FBXW8: variants seen among roughly 807,000 people sequenced by gnomAD.
FBXW8 encodes F-box/WD repeat-containing protein 8.
A neutral mutation model predicts 65.3 loss-of-function variants in FBXW8; 57 were observed. The observed-to-expected ratio is 0.87, with a 90% CI of 0.71 to 1.09. The LOEUF (loss-of-function observed/expected upper bound fraction) is 1.09. FBXW8 is among the 50% of genes least tolerant of loss of function. The pLI is 0.00. For synonymous variants in FBXW8, 308 were observed against 330.2 expected (o/e 0.93, Z 0.73); for missense variants, 777 against 814.8 (o/e 0.95, Z 0.57).
intron 2 of FBXW8, among the ~76,000 whole-genome samples, chr12:116,934,542 G>A (rs1046946283): frequency 6.6e-6 from 1 of 152,174 alleles, no homozygotes; most frequent in Admixed American, 6.5e-5. Flanking sequence ...GTTTTTAGGA[G>A]AAAAGTAAGT....
At chr12:116,959,366 G>T (rs1883845605) in intron 4 of FBXW8, among the ~76,000 whole-genome samples, 1 of 152,212 alleles carries the variant, frequency 6.6e-6, no homozygotes, top group African/African-American at 2.4e-5. Context: ...TGAGGAGGCA[G>T]AGTGGCTTGT....
intron 4 of FBXW8, among the ~76,000 whole-genome samples, chr12:116,955,845 C>T (rs771128162): frequency 6.6e-6 from 1 of 152,118 alleles, no homozygotes. Flanking sequence ...GGCTAGGTGT[C>T]GTTTGCCATA....
chr12:116,936,155 G>A lies in FBXW8; in HGVS notation c.423+8028G>A, dbSNP rs1882142725. Among the ~76,000 whole-genome samples the A allele has an allele frequency of 6.6e-6, 1 of 152,240 alleles. No individual in the cohort carries two copies. Among genetic ancestry groups the A allele is most frequent in the Admixed American group, 6.5e-5 (1 of 15,284 alleles). On this transcript the variant is annotated intron_variant, in intron 2 of 10. Transcript: ENST00000652555. This position sits in a 1 kb window ranked among gnomAD's most constrained non-coding sequence, Gnocchi z 4.6. Reference sequence around the variant, plus strand: ...GAGTGGCCAGGGAAGACTTTGCAGAGAAGGTGAGCTTTGAGCAAAGACCTG... The same window carrying A: ...GAGTGGCCAGGGAAGACTTTGCAGAAAAGGTGAGCTTTGAGCAAAGACCTG...
chr12:117,025,761 A>C (rs1024058329), intron 9 of FBXW8, among the ~76,000 whole-genome samples: 3 of 152,160 alleles, frequency 2.0e-5, no homozygotes, highest in African/African-American at 7.2e-5. Flanking sequence ...CCGCACTGAA[A>C]TTCCCGGAAG....
chr12:116,926,131 G>C (rs1339421167), intron 1 of FBXW8, among the ~76,000 whole-genome samples: 2 of 152,156 alleles, frequency 1.3e-5, no homozygotes, highest in Admixed American at 1.3e-4. Context: ...CAAAGATGAT[G>C]ATGTCCTTTG....
At chr12:117,000,050 C>G (rs1293588266) in intron 7 of FBXW8, among the ~76,000 whole-genome samples, 1 of 146,686 alleles carries the variant, frequency 6.8e-6, no homozygotes, top group African/African-American at 2.5e-5. Flanking sequence ...GGCGCGATCT[C>G]TGCTCACTGC....
At chr12:117,021,054 GAGA>G (rs1954081714) in intron 8 of FBXW8, among the ~76,000 whole-genome samples, 1 of 151,906 alleles carries the variant, frequency 6.6e-6, no homozygotes, top group South Asian at 2.1e-4. Context: ...TCACTCCCCA[GAGA>G]AGGATTTCTG....
chr12:116,927,725 G>A (rs530388458), intron 1 of FBXW8, among the ~76,000 whole-genome samples: 2 of 152,292 alleles, frequency 1.3e-5, no homozygotes, highest in Admixed American at 1.3e-4. Flanking sequence ...CGTATACCAG[G>A]CTGGAAGATA....
Position 116,964,753 on chromosome 12 carries a change from C to T in FBXW8, c.734C>T (p.Pro245Leu), listed in dbSNP as rs748317810. ...ACCCGCACCTGGGACTACGTAGCCC[C>T]CTTCCTGGAATCAGAGGACGAGGAG... is the stretch of plus-strand genomic sequence containing the variant. ...WDTRTWDYVA[P>L]FLESEDEEDE... Residue 245 changes from proline to leucine, a missense_variant, in exon 5 of 11, where the codon CCC (proline) becomes CTC (leucine). Coordinates refer to ENST00000652555, the MANE Select transcript of FBXW8 (RefSeq NM_153348.3). 2 of 1,613,554 alleles carry T rather than the reference C, an allele frequency of 1.2e-6. No individual in the cohort carries two copies. The highest frequency in any genetic ancestry group is 1.1e-5 in the South Asian group (1 of 91,046).
chr12:117,001,049 C>G (rs920502777), intron 7 of FBXW8, among the ~76,000 whole-genome samples: 1 of 152,146 alleles, frequency 6.6e-6, no homozygotes, highest in Non-Finnish European at 1.5e-5. Context: ...TTCTCTCCCT[C>G]TTGGTGGTTG....
At chr12:116,994,992 C>T (rs908813306) in intron 7 of FBXW8, among the ~76,000 whole-genome samples, 1 of 152,224 alleles carries the variant, frequency 6.6e-6, no homozygotes, top group African/African-American at 2.4e-5. Context: ...CCTAGTGGTT[C>T]TTGGACGGCT....
chr12:117,027,287 G>A (rs1440161806), intron 9 of FBXW8, 107 bp from the exon 10 acceptor site: 13 of 823,782 alleles, frequency 1.6e-5, no homozygotes, highest in Non-Finnish European at 2.5e-5. Flanking sequence ...GAGAAGCTTA[G>A]CTTTATGGGT....
At chr12:116,988,966 A>G in intron 7 of FBXW8, 97 bp downstream of exon 7, 1 of 1,168,796 alleles carries the variant, frequency 8.6e-7, no homozygotes. Context: ...ATTTTTCCAG[A>G]TATATCAGGC....
chr12:117,022,338 G>A (rs192493851), intron 8 of FBXW8, among the ~76,000 whole-genome samples: 3 of 150,704 alleles, frequency 2.0e-5, no homozygotes, highest in East Asian at 3.9e-4. Context: ...ATAGATTATA[G>A]TGACTAAAGA....
chr12:117,002,846 T>G (rs1205935720), intron 7 of FBXW8: 1 of 152,202 alleles, frequency 6.6e-6, no homozygotes, highest in East Asian at 1.9e-4. Context: ...TTTTAAAGTC[T>G]TAGCTCATCT....
At chr12:116,967,927 C>T (rs1884427197) in intron 5 of FBXW8, among the ~76,000 whole-genome samples, 1 of 152,068 alleles carries the variant, frequency 6.6e-6, no homozygotes, top group Non-Finnish European at 1.5e-5. Context: ...CCACCACGCC[C>T]AGCTAATTTT....
chr12:116,952,199 A>G (rs992016788), intron 4 of FBXW8, among the ~76,000 whole-genome samples: 3 of 152,188 alleles, frequency 2.0e-5, no homozygotes, highest in Non-Finnish European at 4.4e-5. Context: ...CCCATATATG[A>G]CATTGGCCAT....
rs571525866 is a variant in FBXW8, at chr12:116,912,578, G to A, written c.318+1223G>A. 1.1e-3 allele frequency among the ~76,000 whole-genome samples: 171 copies of A among 150,546 alleles called. 4 individuals carry two copies. The South Asian group carries it at 0.035, about 31-fold the overall frequency. ...AGGTTCACGCCATTCTCCTGCCTCA[G>A]CCTCCCCAGTAGCTGGGACTAACAG... On this transcript the variant is annotated intron_variant, in intron 1 of 10. Transcript: ENST00000652555.
At chr12:117,001,833 G>A (rs1292539535) in intron 7 of FBXW8, among the ~76,000 whole-genome samples, 1 of 152,146 alleles carries the variant, frequency 6.6e-6, no homozygotes, top group Non-Finnish European at 1.5e-5. Context: ...TGTTATGTGA[G>A]CATTAACCAG....
Sources: allele counts gnomAD v4.1 joint callset (sites outside exome capture counted in the v4.1 genomes callset), GRCh38; gene constraint gnomAD v4.1.1; non-coding constraint Gnocchi (gnomAD v3.1); transcripts MANE v1.5; gene names NCBI Gene and HGNC (gene_info 2026-07-23, HGNC 2026-07-21).